ANPEP: variants seen among roughly 807,000 people sequenced by gnomAD.
The protein encoded by ANPEP is alanyl aminopeptidase, membrane.
Under a neutral mutation model 114.6 loss-of-function variants are expected in ANPEP, and 70 were observed. The observed-to-expected ratio is 0.61, with a 90% CI of 0.50 to 0.75. The LOEUF (loss-of-function observed/expected upper bound fraction) is 0.75. Ranked by LOEUF, ANPEP falls within the 30% of genes least tolerant of loss-of-function variation. The probability of loss-of-function intolerance (pLI) is 0.00; values close to 1 mark genes in which losing one functional copy is unlikely to be tolerated. For synonymous variants in ANPEP, 548 were observed against 522.3 expected (o/e 1.05, Z -0.67); for missense variants, 1,184 against 1,259.5 (o/e 0.94, Z 0.91).
intron 15 of ANPEP, among the ~76,000 whole-genome samples, chr15:89,793,553 A>T (rs1968673033): frequency 6.6e-6 from 1 of 152,056 alleles, no homozygotes; most frequent in Non-Finnish European, 1.5e-5. Flanking sequence ...CCACAAAAAA[A>T]TTAGCCGAGT....
chr15:89,803,098 AGCAACAGAG>A lies in ANPEP; in HGVS notation c.1569+132_1569+140del. 1 of 937,554 alleles carries A rather than the reference AGCAACAGAG, an allele frequency of 1.1e-6. No homozygotes were observed. The highest frequency in any genetic ancestry group is 1.7e-6 in the Non-Finnish European group (1 of 586,770). The allele number at this position is 937,554 out of a possible 1,614,324, so 58.1% of individuals were successfully genotyped here. On this transcript the variant is annotated intron_variant, in intron 10 of 20. Transcript: ENST00000300060. This position sits in a 1 kb window ranked among gnomAD's most constrained non-coding sequence, Gnocchi z 4.2. ...CATCCCGGCTTCCACTATAGGGAGGAGCAACAGAGGCTCCATCCACCCTGCAGGGCTGGT... is the reference window on the plus strand; with the variant it reads ...CATCCCGGCTTCCACTATAGGGAGGAGCTCCATCCACCCTGCAGGGCTGGT...
intron 10 of ANPEP, 95 bp from the exon 11 acceptor site, chr15:89,801,702 G>T (rs1894595496): frequency 9.7e-6 from 14 of 1,443,288 alleles, no homozygotes; most frequent in Non-Finnish European, 1.3e-5. Context: ...GACCCCGGGG[G>T]GCCACTTGTA....
chr15:89,794,151 A>T (rs2141794880), intron 15 of ANPEP, among the ~76,000 whole-genome samples: 1 of 152,268 alleles, frequency 6.6e-6, no homozygotes, highest in African/African-American at 2.4e-5. Context: ...GCAGAAGGGG[A>T]GACAGAAGCA....
chr15:89,791,490 T>G lies in ANPEP; in HGVS notation c.2529-397A>C, dbSNP rs141672833. On this transcript the variant is annotated intron_variant, in intron 18 of 20. Transcript: ENST00000300060. ...TCTCACTCTGTCGCCCAGGCTGGAG[T>G]GCAGTGGAGCGATTTGGGCTTACTG... is the stretch of plus-strand genomic sequence containing the variant. Among the ~76,000 whole-genome samples, 1,222 of 152,050 alleles carry G rather than the reference T, an allele frequency of 8.0e-3. 26 individuals carry two copies. The highest frequency in any genetic ancestry group is 0.028 in the African/African-American group (1,171 of 41,458).
chr15:89,794,173 T>G (rs938667130), intron 15 of ANPEP, among the ~76,000 whole-genome samples: 5 of 152,170 alleles, frequency 3.3e-5, no homozygotes, highest in Admixed American at 2.0e-4. Context: ...GGGAACTTGC[T>G]GTGACAAGAC....
intron 1 of ANPEP, among the ~76,000 whole-genome samples, chr15:89,807,121 C>G (rs1229568577): frequency 1.3e-5 from 2 of 152,200 alleles, no homozygotes; most frequent in Admixed American, 6.5e-5. Context: ...TGACAAGGTC[C>G]CAGCCTCCCT....
chr15:89,811,860 G>A (rs895920022), intron 1 of ANPEP, among the ~76,000 whole-genome samples: 1 of 152,116 alleles, frequency 6.6e-6, no homozygotes, highest in African/African-American at 2.4e-5. Flanking sequence ...TGACGGGGTA[G>A]AAGCCGAGCT....
At chr15:89,791,411 T>C (rs1349469265) in intron 18 of ANPEP, among the ~76,000 whole-genome samples, 3 of 138,076 alleles carry the variant, frequency 2.2e-5, no homozygotes, top group Non-Finnish European at 4.6e-5. Context: ...ACACTGAGGG[T>C]GGCCCTTCTT....
rs1329285913 is a variant in ANPEP at position 89,799,793 on chromosome 15, C to T, written c.1820-234G>A. On this transcript the variant is annotated intron_variant, in intron 12 of 20. Coordinates refer to ENST00000300060, the MANE Select transcript of ANPEP (RefSeq NM_001150.3). This position sits in a 1 kb window ranked among gnomAD's most constrained non-coding sequence, Gnocchi z 4.2. ...AAACCTCAGAACCTGCCCTGCCTCCCTAGGCTCTGCACGGCCAGGCCAGCT... is the reference window on the plus strand; with the variant it reads ...AAACCTCAGAACCTGCCCTGCCTCCTTAGGCTCTGCACGGCCAGGCCAGCT... Among the ~76,000 whole-genome samples, 1 of 152,150 alleles carries T rather than the reference C, an allele frequency of 6.6e-6. No homozygotes were observed. Among genetic ancestry groups the T allele is most frequent in the Non-Finnish European group, 1.5e-5 (1 of 68,018 alleles).
Position 89,801,458 on chromosome 15 carries a change from A to G in ANPEP, c.1719T>C (p.Asn573=). 6.2e-7 allele frequency: 1 copy of G among 1,614,104 alleles called. No homozygotes were observed. The highest frequency in any genetic ancestry group is 8.5e-7 in the Non-Finnish European group (1 of 1,179,992). The change falls in exon 11 of 21, where the codon AAT becomes AAC. Residue 573 remains asparagine (N), a synonymous_variant. Transcript: ENST00000300060. ...QEHFLLDPDS[N]VTRPSEFNYV... is the part of the protein sequence containing the mutation. ...ACTTGAATTCTGAGGGGCGGGTAAC[A>G]TTGGAATCGGGGTCAAGGAGGAAGT...
At chr15:89,811,662 A>C (rs1894818756) in intron 1 of ANPEP, among the ~76,000 whole-genome samples, 1 of 151,654 alleles carries the variant, frequency 6.6e-6, no homozygotes, top group African/African-American at 2.4e-5. Context: ...AAAAAAAAAA[A>C]AAAAGAAAAA....
intron 1 of ANPEP, among the ~76,000 whole-genome samples, chr15:89,810,755 C>G (rs967523306): frequency 6.6e-6 from 1 of 152,374 alleles, no homozygotes; most frequent in Non-Finnish European, 1.5e-5. Flanking sequence ...CTTGCCGTGA[C>G]CTACAGGGCC....
Position 89,805,396 on chromosome 15 carries a change from C to A in ANPEP, c.682G>T (p.Ala228Ser), listed in dbSNP as rs995838833. The change falls in exon 3 of 21, where the codon GCC becomes TCC. Residue 228 changes from alanine (A) to serine (S), a missense_variant. By Grantham distance (99) the Ala-to-Ser change is moderately conservative. Transcript: ENST00000300060. ...GTGATGTTGAACTCGGCCTTCATGG[C>A]CGGCTCATCGAAGCATGGGAAGGAC... ...RKSFPCFDEP[A>S]MKAEFNITLI... 1.9e-6 allele frequency: 3 copies of A among 1,614,170 alleles called. No homozygotes were observed. Among genetic ancestry groups the A allele is most frequent in the Non-Finnish European group, 2.5e-6 (3 of 1,180,014 alleles).
chr15:89,788,515 T>C (rs758785833), intron 20 of ANPEP, among the ~76,000 whole-genome samples: 37 of 152,202 alleles, frequency 2.4e-4, no homozygotes, highest in Non-Finnish European at 4.8e-4. Context: ...TACAAGGTTT[T>C]TTTTTGGCGT....
chr15:89,792,645 A>G (rs1968654467), intron 16 of ANPEP, 83 bp from the exon 17 acceptor site: 1 of 1,242,910 alleles, frequency 8.0e-7, no homozygotes, highest in Non-Finnish European at 1.2e-6. Context: ...CCAGGCCGGC[A>G]CCCTGCCTAA....
At position 89,801,483 on chromosome 15, in the gene ANPEP, T is replaced by TA; in HGVS notation, c.1693_1694insT (p.His565LeufsTer5). 18 of 1,614,146 alleles carry TA rather than the reference T, an allele frequency of 1.1e-5. No homozygotes were observed. Among genetic ancestry groups the TA allele is most frequent in the Non-Finnish European group, 1.5e-5 (18 of 1,179,994 alleles). ...ATTGGAATCGGGGTCAAGGAGGAAG[T>TA]GCTCCTGGGAAAGGGTCCCCGTGCT... On this transcript the variant is annotated frameshift_variant, in exon 11 of 21. Transcript: ENST00000300060. LOFTEE classifies it high-confidence loss of function.
In ANPEP at chr15:89,806,340, G is replaced by C. The variant is rs368908725; in HGVS notation, c.244C>G (p.Pro82Ala). 2 of 1,614,046 alleles carry C rather than the reference G, an allele frequency of 1.2e-6. No individual in the cohort carries two copies. Among genetic ancestry groups the C allele is most frequent in the African/African-American group, 1.3e-5 (1 of 74,920 alleles). ...NRYRLPNTLK[P>A]DSYRVTLRPY... ...CTCAGCGTCACCCGGTAGGAATCGG[G>C]TTTCAGCGTGTTGGGGAGGCGGTAA... The change falls in exon 2 of 21, where the codon CCC (proline) becomes GCC (alanine). Residue 82 changes from proline (P) to alanine (A), a missense_variant. By Grantham distance (27) the Pro-to-Ala change is conservative. Coordinates refer to ENST00000300060, the MANE Select transcript of ANPEP (RefSeq NM_001150.3). The surrounding 1 kb of genome is among the most constrained non-coding windows in gnomAD (Gnocchi z 5.7).
At position 89,803,819 on chromosome 15, in the gene ANPEP, C is replaced by A; in HGVS notation, c.1294-29G>T. 1 of 1,611,168 alleles carries A rather than the reference C, an allele frequency of 6.2e-7. No individual in the cohort carries two copies. Among genetic ancestry groups the A allele is most frequent in the Non-Finnish European group, 8.5e-7 (1 of 1,177,844 alleles). On this transcript the variant is annotated intron_variant, in intron 7 of 20. Transcript: ENST00000300060. This position sits in a 1 kb window ranked among gnomAD's most constrained non-coding sequence, Gnocchi z 4.2. ...CAAATTCCCCAGGGCCATCAGGAGA[C>A]TGGCCTGGTAGCGGTGGCCCAGGTC... is the stretch of plus-strand genomic sequence containing the variant.
At position 89,792,303 on chromosome 15, in the gene ANPEP, G is replaced by A. The variant is rs25652; in HGVS notation, c.2385C>T (p.Thr795=). 0.26 allele frequency: 422,665 copies of A among 1,614,032 alleles called. 56,610 individuals carry two copies. The highest frequency in any genetic ancestry group is 0.3 in the South Asian group (26,873 of 91,072). The change falls in exon 18 of 21, where the codon ACC becomes ACT. Residue 795 remains threonine, a synonymous_variant. Coordinates refer to ENST00000300060, the MANE Select transcript of ANPEP (RefSeq NM_001150.3). The part of the protein sequence containing the change: ...NNPIHPNLRS[T]VYCNAIAQGG... ...CCTGGGCGATAGCGTTGCAGTAGAC[G>A]GTGGACCGCAGGTTGGGGTGGATCC... is the stretch of plus-strand genomic sequence containing the variant.
Sources: allele counts gnomAD v4.1 joint callset (sites outside exome capture counted in the v4.1 genomes callset), GRCh38; gene constraint gnomAD v4.1.1; non-coding constraint Gnocchi (gnomAD v3.1); transcripts MANE v1.5; gene names NCBI Gene and HGNC (gene_info 2026-07-23, HGNC 2026-07-21).